Variants in SGCD observed in about 807,000 individuals in gnomAD.
SGCD encodes the protein sarcoglycan delta, also known as delta-sarcoglycan.
SGCD carries 18 observed loss-of-function variants against 36.6 expected under a neutral mutation model. That is an observed-to-expected ratio of 0.49 (90% CI 0.34 to 0.73). The LOEUF (loss-of-function observed/expected upper bound fraction) is 0.73, where lower values mean the gene tolerates loss of function less well. Among genes scored for constraint, SGCD ranks in the 30% least tolerant of loss-of-function variants. The pLI, the probability that SGCD is intolerant of heterozygous loss-of-function variation, is 0.01. For synonymous variants in SGCD, 133 were observed against 130.6 expected (o/e 1.02, Z -0.12); for missense variants, 387 against 346.7 (o/e 1.12, Z -0.92).
chr5:156,566,784 C>T (rs1759495346), intron 4 of SGCD, among the ~76,000 whole-genome samples: 1 of 151,948 alleles, frequency 6.6e-6, no homozygotes, highest in Non-Finnish European at 1.5e-5. Context: ...GAAGGTGTTA[C>T]AGAGATATTA....
intron 1 of SGCD, among the ~76,000 whole-genome samples, chr5:156,013,712 A>C (rs1450209740): frequency 6.6e-6 from 1 of 152,038 alleles, no homozygotes; most frequent in Non-Finnish European, 1.5e-5. Context: ...TTAAATGTTA[A>C]GGTTAACGTT....
At chr5:156,750,899 G>A (rs1256570295) in intron 7 of SGCD, among the ~76,000 whole-genome samples, 4 of 152,066 alleles carry the variant, frequency 2.6e-5, no homozygotes, top group Admixed American at 2.0e-4. Context: ...ACAAAAGATA[G>A]GTTAAACTAT....
chr5:156,344,722 G>A, intron 3 of SGCD, 45 bp downstream of exon 3: 2 of 1,408,684 alleles, frequency 1.4e-6, no homozygotes, highest in East Asian at 2.4e-5. Flanking sequence ...TCCGGGAGGG[G>A]AAGCGTGGGG....
At chr5:155,810,872 C>CAGTG in the SGCD span, among the ~76,000 whole-genome samples, 1 of 101,478 alleles carries the variant, frequency 9.9e-6, no homozygotes, top group Non-Finnish European at 1.7e-5. Flanking sequence ...GGCTGGAGTG[C>CAGTG]AGTGGCGGGA....
intron 3 of SGCD, among the ~76,000 whole-genome samples, chr5:156,499,507 T>A (rs946852419): frequency 6.6e-6 from 1 of 152,102 alleles, no homozygotes; most frequent in African/African-American, 2.4e-5. Context: ...AAATATGAGA[T>A]GAAAGATATG....
At chr5:155,813,552 G>A in the SGCD span, among the ~76,000 whole-genome samples, 9 of 152,088 alleles carry the variant, frequency 5.9e-5, no homozygotes, top group Non-Finnish European at 1.2e-4. Flanking sequence ...ATATTCCCAG[G>A]TCACTGTTGG....
At chr5:155,840,304 C>T in the SGCD span, among the ~76,000 whole-genome samples, 10 of 149,692 alleles carry the variant, frequency 6.7e-5, no homozygotes, top group Admixed American at 1.3e-4. Context: ...AGTGCAGTGG[C>T]GTGATCTCGG....
chr5:156,262,378 A>G (rs2127665717), intron 3 of SGCD, among the ~76,000 whole-genome samples: 1 of 152,198 alleles, frequency 6.6e-6, no homozygotes, highest in African/African-American at 2.4e-5. Context: ...CAAATTTATA[A>G]CCCAGGAGCA....
chr5:155,755,044 A>G, the SGCD span, among the ~76,000 whole-genome samples: 1 of 152,170 alleles, frequency 6.6e-6, no homozygotes, highest in Non-Finnish European at 1.5e-5. Context: ...ATAATAATGT[A>G]CATTAAACTC....
chr5:155,944,678 G>A (rs1757401033), intron 1 of SGCD, among the ~76,000 whole-genome samples: 1 of 152,088 alleles, frequency 6.6e-6, no homozygotes, highest in African/African-American at 2.4e-5. Context: ...ACACTGTGAA[G>A]ATATGAACCT....
intron 4 of SGCD, among the ~76,000 whole-genome samples, chr5:156,533,324 C>T (rs767262379): frequency 6.6e-6 from 1 of 152,064 alleles, no homozygotes; most frequent in Admixed American, 6.6e-5. Context: ...CTGTCCGTAC[C>T]TTTTGTTAGA....
intron 4 of SGCD, among the ~76,000 whole-genome samples, chr5:156,514,987 T>C (rs1757096359): frequency 6.6e-6 from 1 of 152,234 alleles, no homozygotes; most frequent in Admixed American, 6.5e-5. Flanking sequence ...CATCATCATA[T>C]AGTCCAGATT....
At chr5:156,523,809 G>A (rs1757513251) in intron 4 of SGCD, among the ~76,000 whole-genome samples, 1 of 151,586 alleles carries the variant, frequency 6.6e-6, no homozygotes, top group African/African-American at 2.4e-5. Flanking sequence ...GTCATACCCA[G>A]TTACTTAACT....
intron 1 of SGCD, among the ~76,000 whole-genome samples, chr5:155,877,818 G>C (rs933194626): frequency 2.6e-5 from 4 of 152,038 alleles, no homozygotes; most frequent in Non-Finnish European, 5.9e-5. Flanking sequence ...TCTTATTGCT[G>C]CAAGACTTAT....
chr5:156,049,035 C>G (rs2127580618), intron 1 of SGCD, among the ~76,000 whole-genome samples: 1 of 146,760 alleles, frequency 6.8e-6, no homozygotes, highest in South Asian at 2.1e-4. Context: ...TTTCAGCTTT[C>G]TACATATGGC....
intron 4 of SGCD, among the ~76,000 whole-genome samples, chr5:156,537,690 T>C (rs1758178347): frequency 6.6e-6 from 1 of 152,136 alleles, no homozygotes; most frequent in South Asian, 2.1e-4. Context: ...TTTAACATCC[T>C]CCTAAATGTG....
chr5:155,842,594 A>G, the SGCD span, among the ~76,000 whole-genome samples: 9 of 152,200 alleles, frequency 5.9e-5, no homozygotes, highest in Non-Finnish European at 5.9e-5. Context: ...AAAAGTGACT[A>G]AAATAAAGTT....
intron 3 of SGCD, among the ~76,000 whole-genome samples, chr5:156,211,665 T>C (rs1764447998): frequency 6.7e-6 from 1 of 149,798 alleles, no homozygotes; most frequent in Non-Finnish European, 1.5e-5. Context: ...CTAAAACATA[T>C]GAAAGTATAA....
At position 156,265,796 on chromosome 5, in the gene SGCD, A is replaced by G. The variant is rs1354050466; in HGVS notation, c.-43-63738A>G. ...CATAATGGAATAAGAAGTATACAGA[A>G]GAGCTGAATAAGTGATACAATGGAT... On this transcript the variant is annotated intron_variant, in intron 3 of 9. Transcript: ENST00000517913. Among the ~76,000 whole-genome samples, 7 of 152,270 alleles carry G rather than the reference A, an allele frequency of 4.6e-5. No homozygotes were observed. In the East Asian group the frequency reaches 9.6e-4, roughly 21 times the overall value.
Sources: allele counts gnomAD v4.1 joint callset (sites outside exome capture counted in the v4.1 genomes callset), GRCh38; gene constraint gnomAD v4.1.1; transcripts MANE v1.5; gene names NCBI Gene and HGNC (gene_info 2026-07-23, HGNC 2026-07-21).